The following RBM15B variants were observed in gnomAD, a reference collection of about 807,000 sequenced individuals.
RBM15B encodes RNA binding motif protein 15B.
In RBM15B, 11 loss-of-function variants were observed where a neutral mutation model predicts 53.3. The observed-to-expected ratio is 0.21, with a 90% CI of 0.13 to 0.34. The LOEUF (loss-of-function observed/expected upper bound fraction) is 0.34. Among genes scored for constraint, RBM15B ranks in the 10% least tolerant of loss-of-function variants. The pLI is 1.00. For missense variants in RBM15B, 1,136 were observed against 1,250.3 expected, an observed-to-expected ratio of 0.91 and a Z score of 1.38; for synonymous variants, 631 against 540.7, an observed-to-expected ratio of 1.17 and a Z score of -2.32.
At position 51,394,021 on chromosome 3, in the gene RBM15B, C is replaced by G. The variant is rs1553622136; in HGVS notation, c.2622C>G (p.Gly874=). 6.7e-7 allele frequency: 1 copy of G among 1,489,664 alleles called. No individual in the cohort carries two copies. Among genetic ancestry groups the G allele is most frequent in the Non-Finnish European group, 8.9e-7 (1 of 1,119,484 alleles). The allele number at this position is 1,489,664 out of a possible 1,614,324, so 92.3% of individuals were successfully genotyped here. Residue 874 remains glycine, a synonymous_variant, in exon 1 of 1, where the codon GGC becomes GGG. Transcript: ENST00000563281. Reference sequence around the variant, plus strand: ...TCCAGTCAGCACTAAGGACATTGGGCAAGCTAGAAGAAGAACACATGGTGA... The same window carrying G: ...TCCAGTCAGCACTAAGGACATTGGGGAAGCTAGAAGAAGAACACATGGTGA... The part of the protein sequence containing the change: ...QYLQSALRTL[G]KLEEEHMVIV...
In RBM15B at chr3:51,393,160, C is replaced by G. The variant is rs570832923; in HGVS notation, c.1761C>G (p.Pro587=). ...GGGCAGATGGAGACCGTGGTTTGCCCAAGCCCTGGGAAGAGAGGCGGAAAC... is the reference window on the plus strand; with the variant it reads ...GGGCAGATGGAGACCGTGGTTTGCCGAAGCCCTGGGAAGAGAGGCGGAAAC... ...RWGADGDRGL[P]KPWEERRKRR... The change falls in exon 1 of 1, where the codon CCC becomes CCG. Residue 587 remains proline (P), a synonymous_variant. Transcript: ENST00000563281. The surrounding 1 kb of genome is among the most constrained non-coding windows in gnomAD (Gnocchi z 5.6). 6.2e-7 allele frequency: 1 copy of G among 1,613,978 alleles called. No individual in the cohort carries two copies. The highest frequency in any genetic ancestry group is 1.1e-5 in the South Asian group (1 of 91,084).
Position 51,391,635 on chromosome 3 carries a change from G to A in RBM15B, c.236G>A (p.Arg79His). The A allele has an allele frequency of 1.6e-5, 19 of 1,190,382 alleles. No homozygotes were observed. Among genetic ancestry groups the A allele is most frequent in the Non-Finnish European group, 2.0e-5 (19 of 961,814 alleles). The allele number at this position is 1,190,382 out of a possible 1,614,324, so 73.7% of individuals were successfully genotyped here. The change falls in exon 1 of 1, where the codon CGC becomes CAC. Residue 79 changes from arginine (R) to histidine (H), a missense_variant. Around this residue, in one of 7 missense-constraint regions of RBM15B, gnomAD observed 257 missense variants for 261.1 expected, o/e 0.98. Coordinates refer to ENST00000563281, the MANE Select transcript of RBM15B (RefSeq NM_013286.5). The surrounding 1 kb of genome is among the most constrained non-coding windows in gnomAD (Gnocchi z 4.5). ...CGCGGCACCGGGGACGCGAATCACC[G>A]CGCGAGTAGCGGGCGCTCCTCGGGC... ...DGRGTGDANH[R>H]ASSGRSSGSG... is the part of the protein sequence containing the mutation.
Position 51,391,897 on chromosome 3 carries a change from C to A in RBM15B, c.498C>A (p.Phe166Leu). Residue 166 changes from phenylalanine to leucine, a missense_variant, in exon 1 of 1, where the codon TTC (phenylalanine) becomes TTA (leucine). By Grantham distance (22) the Phe-to-Leu change is conservative. Transcript: ENST00000563281. This position sits in a 1 kb window ranked among gnomAD's most constrained non-coding sequence, Gnocchi z 4.5. ...GGCTCTTCCACCAGTTCAAGCGCTT[C>A]GGCGAGATCAGCCTCCGCCTGTCGC... ...EDRLFHQFKR[F>L]GEISLRLSHT... The A allele has an allele frequency of 6.2e-7, 1 of 1,604,062 alleles. No individual in the cohort carries two copies. Among genetic ancestry groups the A allele is most frequent in the Non-Finnish European group, 8.5e-7 (1 of 1,179,478 alleles).
chr3:51,392,694 C>G lies in RBM15B; in HGVS notation c.1295C>G (p.Ala432Gly), dbSNP rs781873510. The change falls in exon 1 of 1, where the codon GCG (alanine) becomes GGG (glycine). Residue 432 changes from alanine (A) to glycine (G), a missense_variant. Ala to Gly is a moderately conservative substitution (Grantham distance 60, BLOSUM62 0). Coordinates refer to ENST00000563281, the MANE Select transcript of RBM15B (RefSeq NM_013286.5). The surrounding 1 kb of genome is among the most constrained non-coding windows in gnomAD (Gnocchi z 7.5). ...VGGLGPNTSL[A>G]ALAREFDRFG... Reference sequence around the variant, plus strand: ...GGCCTGGGACCTAACACGTCACTGGCGGCTCTGGCCCGAGAGTTTGACCGC... The same window carrying G: ...GGCCTGGGACCTAACACGTCACTGGGGGCTCTGGCCCGAGAGTTTGACCGC... The G allele has an allele frequency of 6.2e-7, 1 of 1,613,968 alleles. No homozygotes were observed. The highest frequency in any genetic ancestry group is 8.5e-7 in the Non-Finnish European group (1 of 1,180,012).
chr3:51,392,203 C>A lies in RBM15B; in HGVS notation c.804C>A (p.Pro268=). 6.5e-7 allele frequency: 1 copy of A among 1,545,168 alleles called. No homozygotes were observed. The highest frequency in any genetic ancestry group is 2.4e-5 in the East Asian group (1 of 41,242). Residue 268 remains proline, a synonymous_variant, in exon 1 of 1, where the codon CCC becomes CCA. Coordinates refer to ENST00000563281, the MANE Select transcript of RBM15B (RefSeq NM_013286.5). This position sits in a 1 kb window ranked among gnomAD's most constrained non-coding sequence, Gnocchi z 7.5. ...GYQYKQRSLS[P]VAAPPLREPR... The stretch of plus-strand genomic sequence containing the variant: ...AGTACAAGCAGCGCTCGCTGTCCCC[C>A]GTCGCTGCCCCGCCCCTGCGGGAGC...
At position 51,397,830 on chromosome 3, in the gene RBM15B, G is replaced by A. The variant is rs1358336838; in HGVS notation, c.*3758G>A. On this transcript the variant is annotated 3_prime_UTR_variant, in exon 1 of 1. Coordinates refer to ENST00000563281, the MANE Select transcript of RBM15B (RefSeq NM_013286.5). The stretch of plus-strand genomic sequence containing the variant: ...ACCCCACTTCGGTAAAAGAAAATAG[G>A]GAAAGGCCATAAACAAAGACAGACT... 1.2e-5 allele frequency: 2 copies of A among 166,874 alleles called. No individual in the cohort carries two copies. Among genetic ancestry groups the A allele is most frequent in the Admixed American group, 1.3e-4 (2 of 15,276 alleles). 10.3% of individuals were successfully genotyped at this position (166,874 alleles called of 1,614,324 possible). A position where few individuals can be genotyped will look rare whatever the true frequency, so the allele number is the denominator to read the frequency against.
chr3:51,391,732 C>T lies in RBM15B; in HGVS notation c.333C>T (p.Arg111=), dbSNP rs1283812297. The change falls in exon 1 of 1, where the codon CGC becomes CGT. Residue 111 remains arginine (R), a synonymous_variant. Transcript: ENST00000563281. The surrounding 1 kb of genome is among the most constrained non-coding windows in gnomAD (Gnocchi z 4.5). ...CGGGCGCCTCCGGCATGTCGCCCCG[C>T]GCGTCTCCTCTGCCGCCGCCTCCGC... ...GDPGASGMSP[R]ASPLPPPPPP... is the part of the protein sequence containing the mutation. 4 of 1,491,240 alleles carry T rather than the reference C, an allele frequency of 2.7e-6. No homozygotes were observed. The highest frequency in any genetic ancestry group is 5.6e-5 in the East Asian group (2 of 35,994). 92.4% of individuals were successfully genotyped at this position (1,491,240 alleles called of 1,614,324 possible).
chr3:51,393,337 G>A lies in RBM15B; in HGVS notation c.1938G>A (p.Lys646=), dbSNP rs2106641867. The A allele has an allele frequency of 6.2e-7, 1 of 1,611,684 alleles. No individual in the cohort carries two copies. The highest frequency in any genetic ancestry group is 8.5e-7 in the Non-Finnish European group (1 of 1,179,046). ...AGAACCACTCCAGTGAAGGGACCAAGGAGTCCAGCAGCAACTCCCTCAGCA... is the reference window on the plus strand; with the variant it reads ...AGAACCACTCCAGTGAAGGGACCAAAGAGTCCAGCAGCAACTCCCTCAGCA... ...RKENHSSEGT[K]ESSSNSLSNS... Residue 646 remains lysine (K), a synonymous_variant, in exon 1 of 1, where the codon AAG becomes AAA. Transcript: ENST00000563281. The surrounding 1 kb of genome is among the most constrained non-coding windows in gnomAD (Gnocchi z 5.6).
Position 51,392,683 on chromosome 3 carries a change from C to T in RBM15B, c.1284C>T (p.Asn428=), listed in dbSNP as rs2089058368. ...TCTGGGTGGGTGGCCTGGGACCTAA[C>T]ACGTCACTGGCGGCTCTGGCCCGAG... ...TRLWVGGLGP[N]TSLAALAREF... Residue 428 remains asparagine (N), a synonymous_variant, in exon 1 of 1, where the codon AAC becomes AAT. Transcript: ENST00000563281. This position sits in a 1 kb window ranked among gnomAD's most constrained non-coding sequence, Gnocchi z 7.5. 11 of 1,614,194 alleles carry T rather than the reference C, an allele frequency of 6.8e-6. No homozygotes were observed. The highest frequency in any genetic ancestry group is 9.3e-6 in the Non-Finnish European group (11 of 1,180,034).
rs1345395813 is a variant in RBM15B at position 51,396,452 on chromosome 3, G to C, written c.*2380G>C. ...CCTTGGCCAGCACTAGTTAGGGGAG[G>C]TCAGGTGGTCAATGTCCTGGTGATT... On this transcript the variant is annotated 3_prime_UTR_variant, in exon 1 of 1. Transcript: ENST00000563281. 5 of 167,154 alleles carry C rather than the reference G, an allele frequency of 3.0e-5. No individual in the cohort carries two copies. The highest frequency in any genetic ancestry group is 2.0e-4 in the Admixed American group (3 of 15,276). The allele number at this position is 167,154 out of a possible 1,614,324, so 10.4% of individuals were successfully genotyped here.
rs782096752 is a variant in RBM15B at position 51,392,983 on chromosome 3, G to A, written c.1584G>A (p.Val528=). The part of the protein sequence containing the change: ...TRHRNLDADL[V]RDRTPPHLLY... ...ACCGCAACCTGGACGCCGACCTGGT[G>A]CGGGACAGGACGCCCCCACACCTTC... Residue 528 remains valine (V), a synonymous_variant, in exon 1 of 1, where the codon GTG becomes GTA. Coordinates refer to ENST00000563281, the MANE Select transcript of RBM15B (RefSeq NM_013286.5). The surrounding 1 kb of genome is among the most constrained non-coding windows in gnomAD (Gnocchi z 7.5). The A allele has an allele frequency of 6.2e-7, 1 of 1,613,658 alleles. No homozygotes were observed. Among genetic ancestry groups the A allele is most frequent in the African/African-American group, 1.3e-5 (1 of 74,924 alleles).
In RBM15B at chr3:51,393,667, T is replaced by C; in HGVS notation, c.2268T>C (p.Ser756=). 6.2e-7 allele frequency: 1 copy of C among 1,612,786 alleles called. No individual in the cohort carries two copies. Among genetic ancestry groups the C allele is most frequent in the Non-Finnish European group, 8.5e-7 (1 of 1,179,312 alleles). ...GCAGTCTCCTCAAAGACCACACTTC[T>C]GGGAGCAAGCTGACCCAGCTGAAGA... The part of the protein sequence containing the change: ...VISSLLKDHT[S]GSKLTQLKIA... Residue 756 remains serine (S), a synonymous_variant, in exon 1 of 1, where the codon TCT becomes TCC. Coordinates refer to ENST00000563281, the MANE Select transcript of RBM15B (RefSeq NM_013286.5). This position sits in a 1 kb window ranked among gnomAD's most constrained non-coding sequence, Gnocchi z 5.6.
At position 51,393,130 on chromosome 3, in the gene RBM15B, T is replaced by C. The variant is rs2089067742; in HGVS notation, c.1731T>C (p.Arg577=). ...SRSVRSRSGE[R]WGADGDRGLP... ...CAGTGCGCAGCCGGAGTGGTGAGCGTTGGGGGGCAGATGGAGACCGTGGTT... is the reference window on the plus strand; with the variant it reads ...CAGTGCGCAGCCGGAGTGGTGAGCGCTGGGGGGCAGATGGAGACCGTGGTT... The change falls in exon 1 of 1, where the codon CGT becomes CGC. Residue 577 remains arginine, a synonymous_variant. Transcript: ENST00000563281. This position sits in a 1 kb window ranked among gnomAD's most constrained non-coding sequence, Gnocchi z 5.6. 3.7e-6 allele frequency: 6 copies of C among 1,613,584 alleles called. No individual in the cohort carries two copies. Among genetic ancestry groups the C allele is most frequent in the Non-Finnish European group, 3.4e-6 (4 of 1,179,928 alleles).
Position 51,393,881 on chromosome 3 carries a change from T to C in RBM15B, c.2482T>C (p.Leu828=), listed in dbSNP as rs782360895. The change falls in exon 1 of 1, where the codon TTG becomes CTG. Residue 828 remains leucine, a synonymous_variant. Transcript: ENST00000563281. This position sits in a 1 kb window ranked among gnomAD's most constrained non-coding sequence, Gnocchi z 5.6. ...RRLLRNLVSY[L]KQKQAAGVIS... The stretch of plus-strand genomic sequence containing the variant: ...GCTTCTCAGGAACCTGGTCTCCTAC[T>C]TGAAACAGAAGCAGGCCGCAGGGGT... 1.3e-6 allele frequency: 2 copies of C among 1,576,718 alleles called. No homozygotes were observed. The highest frequency in any genetic ancestry group is 1.9e-5 in the Admixed American group (1 of 53,564).
chr3:51,393,653 A>C lies in RBM15B; in HGVS notation c.2254A>C (p.Lys752Gln), dbSNP rs2089079601. Reference protein sequence around the residue: ...GDQGVISSLLKDHTSGSKLTQ... With the variant: ...GDQGVISSLLQDHTSGSKLTQ... The stretch of plus-strand genomic sequence containing the variant: ...CCAGGGGGTGATCAGCAGTCTCCTC[A>C]AAGACCACACTTCTGGGAGCAAGCT... The change falls in exon 1 of 1, where the codon AAA becomes CAA. Residue 752 changes from lysine (K) to glutamine (Q), a missense_variant. Coordinates refer to ENST00000563281, the MANE Select transcript of RBM15B (RefSeq NM_013286.5). The surrounding 1 kb of genome is among the most constrained non-coding windows in gnomAD (Gnocchi z 5.6). The C allele has an allele frequency of 3.1e-6, 5 of 1,612,768 alleles. No individual in the cohort carries two copies. The highest frequency in any genetic ancestry group is 1.3e-5 in the African/African-American group (1 of 74,892).
In RBM15B at chr3:51,391,323, C is replaced by G. The variant is rs1176579894; in HGVS notation, c.-77C>G. ...TTGTCCAAGATGGCGGCGCCGGGGGCGCTGCCTCCTCGGCCGCCGCCTCCG... is the reference window on the plus strand; with the variant it reads ...TTGTCCAAGATGGCGGCGCCGGGGGGGCTGCCTCCTCGGCCGCCGCCTCCG... On this transcript the variant is annotated 5_prime_UTR_variant, in exon 1 of 1. Transcript: ENST00000563281. The surrounding 1 kb of genome is among the most constrained non-coding windows in gnomAD (Gnocchi z 4.5). The G allele has an allele frequency of 2.6e-6, 3 of 1,133,776 alleles. No individual in the cohort carries two copies. In the African/African-American group the frequency reaches 4.9e-5, roughly 19 times the overall value. 70.2% of individuals were successfully genotyped at this position (1,133,776 alleles called of 1,614,324 possible). A position where few individuals can be genotyped will look rare whatever the true frequency, so the allele number is the denominator to read the frequency against.
Position 51,392,847 on chromosome 3 carries a change from G to A in RBM15B, c.1448G>A (p.Arg483His), listed in dbSNP as rs1553621839. ...GGTTTTCCCTTGGGTGGACCAGACC[G>A]CAGGCTCCGCGTGGATTTTGCCAAA... Reference protein sequence around the residue: ...MRGFPLGGPDRRLRVDFAKAE... With the variant: ...MRGFPLGGPDHRLRVDFAKAE... The change falls in exon 1 of 1, where the codon CGC becomes CAC. Residue 483 changes from arginine to histidine, a missense_variant. Arg to His is a conservative substitution (Grantham distance 29). Around this residue, in one of 7 missense-constraint regions of RBM15B, gnomAD observed 578 missense variants for 581.6 expected, o/e 0.99. Coordinates refer to ENST00000563281, the MANE Select transcript of RBM15B (RefSeq NM_013286.5). The surrounding 1 kb of genome is among the most constrained non-coding windows in gnomAD (Gnocchi z 7.5). 1.9e-6 allele frequency: 3 copies of A among 1,613,896 alleles called. No individual in the cohort carries two copies. The highest frequency in any genetic ancestry group is 2.5e-6 in the Non-Finnish European group (3 of 1,180,044).
rs1176376313 is a variant in RBM15B, at chr3:51,392,615, C to A, written c.1216C>A (p.Pro406Thr). The A allele has an allele frequency of 3.1e-6, 5 of 1,613,962 alleles. No homozygotes were observed. Among genetic ancestry groups the A allele is most frequent in the African/African-American group, 2.7e-5 (2 of 74,936 alleles). ...GTCGGGCCGAGTGATTGGTCGCAAC[C>A]CCATTAAGATAGGCTATGGCAAGGC... Reference protein sequence around the residue: ...AMSGRVIGRNPIKIGYGKANP... With the variant: ...AMSGRVIGRNTIKIGYGKANP... Residue 406 changes from proline to threonine, a missense_variant, in exon 1 of 1, where the codon CCC (proline) becomes ACC (threonine). By Grantham distance (38) the Pro-to-Thr change is conservative (BLOSUM62 -1). This residue lies in a region of RBM15B where 45 missense variants were observed against 80.7 expected (regional missense o/e 0.56). Transcript: ENST00000563281. The surrounding 1 kb of genome is among the most constrained non-coding windows in gnomAD (Gnocchi z 7.5).
At position 51,392,995 on chromosome 3, in the gene RBM15B, G is replaced by GCC; in HGVS notation, c.1600_1601dup (p.Leu536ThrfsTer174). The GCC allele has an allele frequency of 6.2e-7, 1 of 1,613,670 alleles. No individual in the cohort carries two copies. Among genetic ancestry groups the GCC allele is most frequent in the Non-Finnish European group, 8.5e-7 (1 of 1,179,928 alleles). ...ACGCCGACCTGGTGCGGGACAGGAC[G>GCC]CCCCCACACCTTCTGTACTCAGACC... On this transcript the variant is annotated frameshift_variant, in exon 1 of 1. Transcript: ENST00000563281. LOFTEE classifies it high-confidence loss of function. This position sits in a 1 kb window ranked among gnomAD's most constrained non-coding sequence, Gnocchi z 7.5.
Sources: gnomAD v4.1 joint callset for allele counts on GRCh38, gnomAD v4.1.1 for gene constraint, gnomAD v4.1.1 regional missense constraint, Gnocchi (gnomAD v3.1) non-coding constraint, MANE v1.5 for transcripts, NCBI Gene and HGNC (gene_info 2026-07-23, HGNC 2026-07-21) for gene names.